The following LMNB1 variants were observed in gnomAD, a reference collection of about 807,000 sequenced individuals.
LMNB1 encodes lamin B1, also known as lamin-B1.
Under a neutral mutation model 67.1 loss-of-function variants are expected in LMNB1, and 23 were observed. That is an observed-to-expected ratio of 0.34 (90% CI 0.25 to 0.49). The LOEUF (loss-of-function observed/expected upper bound fraction) is 0.49. LMNB1 is among the 20% of genes least tolerant of loss of function. The pLI is 0.99. For missense variants in LMNB1, 634 were observed against 746.5 expected (o/e 0.85, Z 1.76); for synonymous variants, 281 against 282.9 (o/e 0.99, Z 0.07).
intron 1 of LMNB1, among the ~76,000 whole-genome samples, chr5:126,796,446 C>T (rs1751094920): frequency 6.6e-6 from 1 of 152,124 alleles, no homozygotes; most frequent in Non-Finnish European, 1.5e-5. Context: ...TAGTTCAATG[C>T]AGAAGCCAGG....
intron 8 of LMNB1, among the ~76,000 whole-genome samples, chr5:126,825,089 G>A (rs927542370): frequency 8.5e-5 from 13 of 152,084 alleles, no homozygotes; most frequent in African/African-American, 2.7e-4. Flanking sequence ...AAACTTTTCT[G>A]TTTCTATTTG....
At chr5:126,810,391 A>G in intron 4 of LMNB1, 41 bp downstream of exon 4, 1 of 1,465,466 alleles carries the variant, frequency 6.8e-7, no homozygotes. Flanking sequence ...ACTTAAAATC[A>G]TTACTTCACA....
intron 1 of LMNB1, among the ~76,000 whole-genome samples, chr5:126,787,546 A>ATATATATATATATATATTTTTTTTTT: frequency 6.1e-5 from 4 of 65,574 alleles, no homozygotes; most frequent in African/African-American, 2.6e-4. Flanking sequence ...ATATATATAT[A>ATATATATATATATATATTTTTTTTTT]TTTTTTTTTT....
Position 126,836,470 on chromosome 5 carries a change from T to G in LMNB1, c.*206T>G. On this transcript the variant is annotated 3_prime_UTR_variant, in exon 11 of 11. Coordinates refer to ENST00000261366, the MANE Select transcript of LMNB1 (RefSeq NM_005573.4). The stretch of plus-strand genomic sequence containing the variant: ...ATACACTTTGTTGCAAGATGTGAAT[T>G]ATTGACACTGAACTTAATAACTGTG... The G allele has an allele frequency of 2.0e-6, 1 of 492,896 alleles. No homozygotes were observed. Among genetic ancestry groups the G allele is most frequent in the South Asian group, 3.8e-5 (1 of 26,322 alleles). 30.5% of individuals were successfully genotyped at this position (492,896 alleles called of 1,614,324 possible). A position where few individuals can be genotyped will look rare whatever the true frequency, so the allele number is the denominator to read the frequency against.
At chr5:126,787,401 C>CGT (rs1750815144) in intron 1 of LMNB1, among the ~76,000 whole-genome samples, 1 of 120,392 alleles carries the variant, frequency 8.3e-6, no homozygotes, top group Non-Finnish European at 1.9e-5. Context: ...TAACTGGAGC[C>CGT]ATATATATGT....
chr5:126,809,042 A>G (rs1751522841), intron 3 of LMNB1, among the ~76,000 whole-genome samples: 1 of 151,950 alleles, frequency 6.6e-6, no homozygotes, highest in Admixed American at 6.6e-5. Context: ...TGGCTGACTA[A>G]TTTTTGTATT....
intron 5 of LMNB1, among the ~76,000 whole-genome samples, chr5:126,813,556 A>T (rs1405647472): frequency 6.6e-6 from 1 of 152,230 alleles, no homozygotes; most frequent in African/African-American, 2.4e-5. Flanking sequence ...TTGGTAGCTT[A>T]TAAACAACAG....
chr5:126,805,534 A>G (rs754405644), intron 2 of LMNB1, 37 bp from the exon 3 acceptor site: 24 of 1,471,444 alleles, frequency 1.6e-5, no homozygotes, highest in Admixed American at 9.1e-5. Context: ...AATGATTGCC[A>G]TGTAATTTTT....
chr5:126,801,083 A>G (rs1275512860), intron 1 of LMNB1, among the ~76,000 whole-genome samples: 3 of 142,796 alleles, frequency 2.1e-5, no homozygotes, highest in East Asian at 4.2e-4. Context: ...TCCTGGGATC[A>G]AGTGATTCTC....
chr5:126,777,371 G>C lies in LMNB1; in HGVS notation c.-138G>C, dbSNP rs913325385. On this transcript the variant is annotated 5_prime_UTR_variant, in exon 1 of 11. Transcript: ENST00000261366. ...CTCCCGCCATCCCAGGTGCTTCTCC[G>C]TTCCTCTAAACGCCAGCGTCTGGAC... The C allele has an allele frequency of 3.3e-5, 35 of 1,047,648 alleles. No individual in the cohort carries two copies. Among genetic ancestry groups the C allele is most frequent in the Non-Finnish European group, 4.3e-5 (35 of 820,874 alleles). The allele number at this position is 1,047,648 out of a possible 1,614,324, so 64.9% of individuals were successfully genotyped here. A position where few individuals can be genotyped will look rare whatever the true frequency, so the allele number is the denominator to read the frequency against.
chr5:126,819,082 A>G lies in LMNB1; in HGVS notation c.1100A>G (p.Lys367Arg), dbSNP rs1433261786. 1 of 1,614,094 alleles carries G rather than the reference A, an allele frequency of 6.2e-7. No individual in the cohort carries two copies. Among genetic ancestry groups the G allele is most frequent in the Non-Finnish European group, 8.5e-7 (1 of 1,180,040 alleles). The change falls in exon 6 of 11, where the codon AAG becomes AGG. Residue 367 changes from lysine (K) to arginine (R), a missense_variant. Lys to Arg is a conservative substitution (Grantham distance 26). Transcript: ENST00000261366. ...GACTATGAACAGCTTCTTGATGTAAAGTTAGCCCTGGACATGGAAATCAGT... is the reference window on the plus strand; with the variant it reads ...GACTATGAACAGCTTCTTGATGTAAGGTTAGCCCTGGACATGGAAATCAGT... Reference protein sequence around the residue: ...LNDYEQLLDVKLALDMEISAY... With the variant: ...LNDYEQLLDVRLALDMEISAY...
chr5:126,800,962 T>TATATATATATATAC, intron 1 of LMNB1, among the ~76,000 whole-genome samples: 1 of 70,986 alleles, frequency 1.4e-5, no homozygotes, highest in East Asian at 3.3e-4. Context: ...TATATATATA[T>TATATATATATATAC]ATATATATAT....
intron 1 of LMNB1, among the ~76,000 whole-genome samples, chr5:126,800,088 G>T (rs988482859): frequency 2.6e-5 from 4 of 152,136 alleles, no homozygotes; most frequent in African/African-American, 9.7e-5. Context: ...AAGTAAAATT[G>T]TAAGCACTGC....
At chr5:126,796,325 A>C (rs186717078) in intron 1 of LMNB1, among the ~76,000 whole-genome samples, 1 of 152,238 alleles carries the variant, frequency 6.6e-6, no homozygotes, top group East Asian at 1.9e-4. Flanking sequence ...AGTCTGGAGT[A>C]GGGTACACCT....
At chr5:126,799,239 C>T (rs1751200473) in intron 1 of LMNB1, among the ~76,000 whole-genome samples, 1 of 152,168 alleles carries the variant, frequency 6.6e-6, no homozygotes, top group Non-Finnish European at 1.5e-5. Flanking sequence ...AGGATGGTCT[C>T]GATCTCCTGA....
Position 126,810,255 on chromosome 5 carries a change from T to C in LMNB1, c.718T>C (p.Tyr240His), listed in dbSNP as rs146374602. 3 of 1,613,788 alleles carry C rather than the reference T, an allele frequency of 1.9e-6. No individual in the cohort carries two copies. In the African/African-American group the frequency reaches 4.0e-5, roughly 22 times the overall value. Residue 240 changes from tyrosine to histidine, a missense_variant, in exon 4 of 11, where the codon TAC becomes CAC. Transcript: ENST00000261366. ...VDSGRQIEYE[Y>H]KLAQALHEMR... ...TTCTGGGCGTCAAATTGAGTATGAG[T>C]ACAAGCTGGCGCAAGCCCTTCATGA... is the stretch of plus-strand genomic sequence containing the variant.
intron 6 of LMNB1, 191 bp downstream of exon 6, chr5:126,819,333 GT>G: frequency 2.0e-6 from 1 of 495,004 alleles, no homozygotes; most frequent in Non-Finnish European, 3.6e-6. Context: ...AGTACTCTTA[GT>G]TTATTTATTA....
intron 6 of LMNB1, 115 bp from the exon 7 acceptor site, chr5:126,820,795 T>C: frequency 2.6e-6 from 2 of 777,482 alleles, no homozygotes; most frequent in Non-Finnish European, 4.1e-6. Context: ...CAAAGTGCTG[T>C]TGGGTTACAG....
rs70997314 is a variant in LMNB1 at position 126,795,933 on chromosome 5, CTTTT to C, written c.360-8830_360-8827del. On this transcript the variant is annotated intron_variant, in intron 1 of 10. Coordinates refer to ENST00000261366, the MANE Select transcript of LMNB1 (RefSeq NM_005573.4). ...GAGCCACTGCGCCTGGCCCAGGATG[CTTTT>C]TTTTTTTTTTTTGAGACGGAGTTTC... 6.1e-5 allele frequency among the ~76,000 whole-genome samples: 5 copies of C among 82,080 alleles called. No individual in the cohort carries two copies. In the South Asian group the frequency reaches 2.6e-3, roughly 42 times the overall value. 53.8% of individuals were successfully genotyped at this position (82,080 alleles called of 152,430 possible).
Sources: gnomAD v4.1 joint callset for allele counts (sites outside exome capture counted in the v4.1 genomes callset) on GRCh38, gnomAD v4.1.1 for gene constraint, MANE v1.5 for transcripts, NCBI Gene and HGNC (gene_info 2026-07-23, HGNC 2026-07-21) for gene names.